The following RPS6KA5 variants were observed in gnomAD, a reference collection of about 807,000 sequenced individuals.
RPS6KA5 encodes ribosomal protein S6 kinase A5, also known as ribosomal protein S6 kinase alpha-5.
In RPS6KA5, 27 loss-of-function variants were observed where a neutral mutation model predicts 85.5. That is an observed-to-expected ratio of 0.32 (90% confidence interval 0.23 to 0.44). The LOEUF (loss-of-function observed/expected upper bound fraction) is 0.44. Ranked by LOEUF, RPS6KA5 falls within the 20% of genes least tolerant of loss-of-function variation. RPS6KA5 has a pLI of 1.00. For synonymous variants in RPS6KA5, 334 were observed against 348.2 expected, an observed-to-expected ratio of 0.96 and a Z score of 0.46; for missense variants, 811 against 980.9, an observed-to-expected ratio of 0.83 and a Z score of 2.31.
At chr14:90,976,202 G>GAAAAAAAAAAAAAA (rs5810526) in intron 3 of RPS6KA5, among the ~76,000 whole-genome samples, 1 of 109,068 alleles carries the variant, frequency 9.2e-6, no homozygotes, top group Non-Finnish European at 1.9e-5. Context: ...TAAGAGAACA[G>GAAAAAAAAAAAAAA]AAAAAAAAAA....
chr14:91,034,574 G>A (rs1480187908), intron 1 of RPS6KA5, among the ~76,000 whole-genome samples: 8 of 152,010 alleles, frequency 5.3e-5, no homozygotes, highest in Admixed American at 3.3e-4. Flanking sequence ...TGGACCAATC[G>A]GTACTCTGTA....
chr14:90,940,774 C>A (rs1374091604), intron 5 of RPS6KA5, among the ~76,000 whole-genome samples: 1 of 152,194 alleles, frequency 6.6e-6, no homozygotes, highest in Non-Finnish European at 1.5e-5. Flanking sequence ...ACAAGCATTG[C>A]CACCTGAGCT....
intron 1 of RPS6KA5, among the ~76,000 whole-genome samples, chr14:91,020,717 T>A (rs2041732604): frequency 6.6e-6 from 1 of 151,946 alleles, no homozygotes; most frequent in African/African-American, 2.4e-5. Context: ...AATACATTAT[T>A]ACAGCACTTT....
intron 2 of RPS6KA5, among the ~76,000 whole-genome samples, chr14:90,999,546 C>G (rs1230524575): frequency 6.6e-6 from 1 of 152,138 alleles, no homozygotes; most frequent in East Asian, 1.9e-4. Context: ...TCCTTTGTAT[C>G]TTGACCTGAT....
intron 5 of RPS6KA5, among the ~76,000 whole-genome samples, chr14:90,941,037 C>A (rs1460928677): frequency 6.6e-6 from 1 of 152,096 alleles, no homozygotes; most frequent in Non-Finnish European, 1.5e-5. Flanking sequence ...CAACAAATAT[C>A]AATGGAATGA....
intron 1 of RPS6KA5, among the ~76,000 whole-genome samples, chr14:91,057,148 T>A (rs1035541646): frequency 1.4e-4 from 21 of 152,104 alleles, no homozygotes; most frequent in East Asian, 1.4e-3. Context: ...CAAGGCAGTA[T>A]TATCTTAATT....
intron 1 of RPS6KA5, among the ~76,000 whole-genome samples, chr14:91,049,900 G>A (rs943372285): frequency 8.5e-5 from 13 of 152,226 alleles, no homozygotes; most frequent in African/African-American, 3.1e-4. Context: ...ACAATTTTAA[G>A]TATTTGTGTA....
chr14:90,974,247 C>G (rs148161389), intron 3 of RPS6KA5, among the ~76,000 whole-genome samples: 5 of 152,162 alleles, frequency 3.3e-5, no homozygotes, highest in Admixed American at 3.3e-4. Flanking sequence ...TATTCCAGCT[C>G]AAAACGTTTA....
intron 16 of RPS6KA5, among the ~76,000 whole-genome samples, chr14:90,873,277 G>A (rs1226642759): frequency 1.3e-5 from 2 of 152,122 alleles, no homozygotes; most frequent in Non-Finnish European, 2.9e-5. Flanking sequence ...GTACTAAATG[G>A]TTGTAAAATG....
rs561990542 is a variant in RPS6KA5, at chr14:91,014,804, T to C, written c.104-13645A>G. On this transcript the variant is annotated intron_variant, in intron 1 of 16. Coordinates refer to ENST00000614987, the MANE Select transcript of RPS6KA5 (RefSeq NM_004755.4). ...TTGTTAAATATTTCAAGTTTTTACA[T>C]ATTTGCTTTAATAATGTGATTTAAT... 2.4e-4 allele frequency among the ~76,000 whole-genome samples: 36 copies of C among 152,278 alleles called. No individual in the cohort carries two copies. In the South Asian group the frequency reaches 6.8e-3, roughly 29 times the overall value.
intron 1 of RPS6KA5, among the ~76,000 whole-genome samples, chr14:91,038,858 A>G (rs1047093289): frequency 1.3e-5 from 2 of 152,146 alleles, no homozygotes; most frequent in Admixed American, 6.5e-5. Context: ...CAAACCCACC[A>G]CAGAAGGTAT....
chr14:91,042,406 G>A (rs1056595128), intron 1 of RPS6KA5, among the ~76,000 whole-genome samples: 4 of 152,006 alleles, frequency 2.6e-5, no homozygotes, highest in African/African-American at 9.7e-5. Flanking sequence ...CAGCTATTCC[G>A]GAGGCTGAGG....
At chr14:90,875,501 T>G (rs1878173630) in intron 14 of RPS6KA5, 141 bp from the exon 15 acceptor site, 2 of 733,254 alleles carry the variant, frequency 2.7e-6, no homozygotes, top group South Asian at 4.2e-5. Context: ...ACGTGATTCC[T>G]CAGGGATCTA....
chr14:90,880,442 A>C (rs2033761299), intron 14 of RPS6KA5, among the ~76,000 whole-genome samples: 1 of 152,194 alleles, frequency 6.6e-6, no homozygotes, highest in African/African-American at 2.4e-5. Context: ...GTTTTTGTAC[A>C]TGTGAGAACT....
At chr14:91,047,996 T>C (rs889505488) in intron 1 of RPS6KA5, among the ~76,000 whole-genome samples, 6 of 152,208 alleles carry the variant, frequency 3.9e-5, no homozygotes, top group Admixed American at 2.6e-4. Flanking sequence ...CCACATGGAT[T>C]ACCCAAAATA....
In RPS6KA5 at chr14:90,860,877, A is replaced by T. The variant is rs2032508613; in HGVS notation, c.*11197T>A. 6.6e-6 allele frequency: 1 copy of T among 151,630 alleles called. No homozygotes were observed. Among genetic ancestry groups the T allele is most frequent in the Non-Finnish European group, 1.5e-5 (1 of 68,126 alleles). The allele number at this position is 151,630 out of a possible 1,614,324, so 9.4% of individuals were successfully genotyped here. A position where few individuals can be genotyped will look rare whatever the true frequency, so the allele number is the denominator to read the frequency against. ...AACATAAATATGTGAGCAAACAAACAATATAGAGTCTATTTTTTTTTTTTT... is the reference window on the plus strand; with the variant it reads ...AACATAAATATGTGAGCAAACAAACTATATAGAGTCTATTTTTTTTTTTTT... On this transcript the variant is annotated 3_prime_UTR_variant, in exon 17 of 17. Transcript: ENST00000614987.
Position 90,855,533 on chromosome 14 carries a change from G to C in RPS6KA5, c.*16541C>G, listed in dbSNP as rs2032232779. 6.6e-6 allele frequency: 1 copy of C among 152,112 alleles called. No individual in the cohort carries two copies. Among genetic ancestry groups the C allele is most frequent in the Non-Finnish European group, 1.5e-5 (1 of 68,114 alleles). 9.4% of individuals were successfully genotyped at this position (152,112 alleles called of 1,614,324 possible). A position where few individuals can be genotyped will look rare whatever the true frequency, so the allele number is the denominator to read the frequency against. On this transcript the variant is annotated 3_prime_UTR_variant, in exon 17 of 17. Coordinates refer to ENST00000614987, the MANE Select transcript of RPS6KA5 (RefSeq NM_004755.4). The stretch of plus-strand genomic sequence containing the variant: ...GCTCACTGCAACCTCTGCTTCCTGG[G>C]TTCAAGAGAGTATCCTGCCTCAGCC...
Position 90,870,733 on chromosome 14 carries a change from A to G in RPS6KA5, c.*1341T>C, listed in dbSNP as rs1014704557. On this transcript the variant is annotated 3_prime_UTR_variant, in exon 17 of 17. Transcript: ENST00000614987. ...TGATTCCTGTAAACAAAGCAAAAAA[A>G]TCACTTTTCTCAGTCCTGACATTTC... The G allele has an allele frequency of 5.3e-5, 8 of 152,244 alleles. No individual in the cohort carries two copies. The South Asian group carries it at 1.4e-3, about 28-fold the overall frequency. The allele number at this position is 152,244 out of a possible 1,614,324, so 9.4% of individuals were successfully genotyped here.
In RPS6KA5 at chr14:91,001,158, A is replaced by C. The variant is rs1399340604; in HGVS notation, c.105T>G (p.Ala35=). The change falls in exon 2 of 17, where the codon GCT becomes GCG. Residue 35 remains alanine (A), a splice_region_variant and synonymous_variant. Transcript: ENST00000614987. The stretch of plus-strand genomic sequence containing the variant: ...CCTTCTCAGCATGTCCTGTCAAATT[A>C]GCTAAAAGAAAAAAAGAGGAAAAAA... The part of the protein sequence containing the change: ...LLTVKHELRT[A]NLTGHAEKVG... The C allele has an allele frequency of 6.3e-7, 1 of 1,590,794 alleles. No individual in the cohort carries two copies. The highest frequency in any genetic ancestry group is 8.6e-7 in the Non-Finnish European group (1 of 1,168,590).
Sources: gnomAD v4.1 joint callset for allele counts (sites outside exome capture counted in the v4.1 genomes callset) on GRCh38, gnomAD v4.1.1 for gene constraint, MANE v1.5 for transcripts, NCBI Gene and HGNC (gene_info 2026-07-23, HGNC 2026-07-21) for gene names.